The following SERP1 variants were observed in gnomAD, a reference collection of about 807,000 sequenced individuals.
The protein encoded by SERP1 is stress associated endoplasmic reticulum protein 1.
SERP1 carries 6 observed loss-of-function variants against 8.8 expected under a neutral mutation model. That is an observed-to-expected ratio of 0.68 (90% CI 0.37 to 1.35). SERP1 has a LOEUF of 1.35. Among genes scored for constraint, SERP1 ranks in the 40% most tolerant of loss-of-function variants. The pLI, the probability that SERP1 is intolerant of heterozygous loss-of-function variation, is 0.02. For missense variants in SERP1, 52 were observed against 86.2 expected (o/e 0.60, Z 1.57); for synonymous variants, 36 against 28.7 (o/e 1.25, Z -0.81).
chr3:150,545,429 G>A, intron 2 of SERP1: 2 of 470,224 alleles, frequency 4.3e-6, no homozygotes, highest in South Asian at 8.9e-5. Context: ...GTTTTGTCCG[G>A]TCTTAACATT....
At position 150,542,968 on chromosome 3, in the gene SERP1, C is replaced by T. The variant is rs1347824803; in HGVS notation, c.*1490G>A. The T allele has an allele frequency of 6.6e-6, 1 of 152,530 alleles. No homozygotes were observed. Among genetic ancestry groups the T allele is most frequent in the Non-Finnish European group, 1.5e-5 (1 of 68,016 alleles). 9.4% of individuals were successfully genotyped at this position (152,530 alleles called of 1,614,324 possible). On this transcript the variant is annotated 3_prime_UTR_variant, in exon 3 of 3. Coordinates refer to ENST00000239944, the MANE Select transcript of SERP1 (RefSeq NM_014445.4). ...TGGCCCAAGGTCAGTTGATTCATTC[C>T]TTATTCCAGAATAGTTAAGTTCCTG...
chr3:150,546,007 C>G, intron 1 of SERP1, 45 bp downstream of exon 1: 1 of 1,609,064 alleles, frequency 6.2e-7, no homozygotes, highest in South Asian at 1.1e-5. Context: ...GACCCGGACT[C>G]AGCTCCGGCT....
At position 150,545,927 on chromosome 3, in the gene SERP1, G is replaced by A. The variant is rs1408505467; in HGVS notation, c.84+125C>T. On this transcript the variant is annotated intron_variant, in intron 1 of 2. Coordinates refer to ENST00000239944, the MANE Select transcript of SERP1 (RefSeq NM_014445.4). The stretch of plus-strand genomic sequence containing the variant: ...CACAGTCTGGCGGTTCGCAGACTCG[G>A]GCCCCTACCCCTCCACGGCACCAGC... 3.6e-6 allele frequency: 5 copies of A among 1,403,942 alleles called. No individual in the cohort carries two copies. In the East Asian group the frequency reaches 7.1e-5, roughly 20 times the overall value. The allele number at this position is 1,403,942 out of a possible 1,614,324, so 87.0% of individuals were successfully genotyped here. A position where few individuals can be genotyped will look rare whatever the true frequency, so the allele number is the denominator to read the frequency against.
chr3:150,543,860 G>C lies in SERP1; in HGVS notation c.*598C>G, dbSNP rs757375586. Reference sequence around the variant, plus strand: ...AAACAATATTGGTAAAATAGATGTTGTGGCTATAAGCATCTCCCTTTATAT... The same window carrying C: ...AAACAATATTGGTAAAATAGATGTTCTGGCTATAAGCATCTCCCTTTATAT... On this transcript the variant is annotated 3_prime_UTR_variant, in exon 3 of 3. Coordinates refer to ENST00000239944, the MANE Select transcript of SERP1 (RefSeq NM_014445.4). 2.6e-5 allele frequency: 4 copies of C among 152,228 alleles called. 1 individual carries two copies. 9.4% of individuals were successfully genotyped at this position (152,228 alleles called of 1,614,324 possible).
In SERP1 at chr3:150,546,438, G is replaced by A. The variant is rs1723026586; in HGVS notation, c.-303C>T. The A allele has an allele frequency of 1.8e-6, 1 of 560,220 alleles. No individual in the cohort carries two copies. Among genetic ancestry groups the A allele is most frequent in the African/African-American group, 1.9e-5 (1 of 51,300 alleles). 34.7% of individuals were successfully genotyped at this position (560,220 alleles called of 1,614,324 possible). A position where few individuals can be genotyped will look rare whatever the true frequency, so the allele number is the denominator to read the frequency against. ...CTTTGGCCGCCGCCGTGAGCGCGGA[G>A]TGAAAGAGGAAGGAAACGCAACGCA... is the stretch of plus-strand genomic sequence containing the variant. On this transcript the variant is annotated 5_prime_UTR_variant, in exon 1 of 3. Transcript: ENST00000239944.
chr3:150,544,622 C>T, intron 2 of SERP1, 124 bp from the exon 3 acceptor site: 1 of 674,058 alleles, frequency 1.5e-6, no homozygotes, highest in Non-Finnish European at 2.6e-6. Flanking sequence ...TGGTACATAA[C>T]TTCAGTATAA....
At chr3:150,545,655 T>A in intron 2 of SERP1, 48 bp downstream of exon 2, 1 of 1,557,266 alleles carries the variant, frequency 6.4e-7, no homozygotes, top group Non-Finnish European at 8.7e-7. Flanking sequence ...TCATCCCAAA[T>A]CCTTTCAACC....
Position 150,546,117 on chromosome 3 carries a change from TCCTTTG to T in SERP1, c.13_18del (p.Gln5_Arg6del). Reference sequence around the variant, plus strand: ...CTGTGCTTCTCGTTGGCCATACGGATCCTTTGCTTGGCGACCATCTTCGCGGCGCCA... The same window carrying T: ...CTGTGCTTCTCGTTGGCCATACGGATCTTGGCGACCATCTTCGCGGCGCCA... On this transcript the variant is annotated inframe_deletion, in exon 1 of 3. Coordinates refer to ENST00000239944, the MANE Select transcript of SERP1 (RefSeq NM_014445.4). 6.2e-7 allele frequency: 1 copy of T among 1,613,528 alleles called. No individual in the cohort carries two copies. The highest frequency in any genetic ancestry group is 8.5e-7 in the Non-Finnish European group (1 of 1,179,844).
chr3:150,544,512 G>A lies in SERP1; in HGVS notation c.161-14C>T, dbSNP rs1261341982. 7 of 1,603,904 alleles carry A rather than the reference G, an allele frequency of 4.4e-6. No homozygotes were observed. In the African/African-American group the frequency reaches 5.4e-5, roughly 12 times the overall value. ...TCTGGAAAATTGCTGTAAAAAGAAA[G>A]AGCAAATATTAAAATAAGCTTTGAA... On this transcript the variant is annotated splice_polypyrimidine_tract_variant and intron_variant, in intron 2 of 2. Transcript: ENST00000239944.
chr3:150,546,188 T>C lies in SERP1; in HGVS notation c.-53A>G. ...CACCCCTCGGACTCGCTCACTCGCC[T>C]GCCTCCTCTGGAGCCGCTGCGAGGC... On this transcript the variant is annotated 5_prime_UTR_variant, in exon 1 of 3. Coordinates refer to ENST00000239944, the MANE Select transcript of SERP1 (RefSeq NM_014445.4). 3 of 1,589,136 alleles carry C rather than the reference T, an allele frequency of 1.9e-6. No individual in the cohort carries two copies. Among genetic ancestry groups the C allele is most frequent in the Non-Finnish European group, 2.6e-6 (3 of 1,163,498 alleles).
rs771649726 is a variant in SERP1 at position 150,546,178 on chromosome 3, C to G, written c.-43G>C. 9.4e-6 allele frequency: 15 copies of G among 1,600,748 alleles called. No homozygotes were observed. The highest frequency in any genetic ancestry group is 1.3e-5 in the Non-Finnish European group (15 of 1,172,458). ...CTGCCCCGGCCACCCCTCGGACTCG[C>G]TCACTCGCCTGCCTCCTCTGGAGCC... is the stretch of plus-strand genomic sequence containing the variant. On this transcript the variant is annotated 5_prime_UTR_variant, in exon 1 of 3. Coordinates refer to ENST00000239944, the MANE Select transcript of SERP1 (RefSeq NM_014445.4).
chr3:150,544,552 T>C, intron 2 of SERP1, 54 bp from the exon 3 acceptor site: 1 of 1,400,310 alleles, frequency 7.1e-7, no homozygotes. Context: ...ATAGGTCTGG[T>C]GTCTAACAAA....
At chr3:150,544,832 T>C (rs539922021) in intron 2 of SERP1, among the ~76,000 whole-genome samples, 1 of 152,348 alleles carries the variant, frequency 6.6e-6, no homozygotes, top group East Asian at 1.9e-4. Context: ...AAGCATCCTT[T>C]TAAGGCCTGG....
Position 150,546,268 on chromosome 3 carries a change from G to T in SERP1, c.-133C>A. 2 of 990,796 alleles carry T rather than the reference G, an allele frequency of 2.0e-6. No homozygotes were observed. The highest frequency in any genetic ancestry group is 2.9e-6 in the Non-Finnish European group (2 of 679,544). 61.4% of individuals were successfully genotyped at this position (990,796 alleles called of 1,614,324 possible). On this transcript the variant is annotated 5_prime_UTR_variant, in exon 1 of 3. Coordinates refer to ENST00000239944, the MANE Select transcript of SERP1 (RefSeq NM_014445.4). Reference sequence around the variant, plus strand: ...GCCGAGGTTCTCAGGCCAGACGCTAGCTACGGCCGCTGGGCCTGGGCGCCG... The same window carrying T: ...GCCGAGGTTCTCAGGCCAGACGCTATCTACGGCCGCTGGGCCTGGGCGCCG...
intron 1 of SERP1, 129 bp from the exon 2 acceptor site, chr3:150,545,907 T>C (rs1307555609): frequency 7.3e-7 from 1 of 1,361,970 alleles, no homozygotes; most frequent in African/African-American, 1.4e-5. Flanking sequence ...GCCCCCACAG[T>C]CTGGCGGTTC....
rs1214027107 is a variant in SERP1 at position 150,546,159 on chromosome 3, C to T, written c.-24G>A. The T allele has an allele frequency of 1.8e-5, 29 of 1,610,756 alleles. No individual in the cohort carries two copies. The Admixed American group carries it at 4.7e-4, about 26-fold the overall frequency. On this transcript the variant is annotated 5_prime_UTR_variant, in exon 1 of 3. Coordinates refer to ENST00000239944, the MANE Select transcript of SERP1 (RefSeq NM_014445.4). ...ATCTTCGCGGCGCCACCACCTGCCCCGGCCACCCCTCGGACTCGCTCACTC... is the reference window on the plus strand; with the variant it reads ...ATCTTCGCGGCGCCACCACCTGCCCTGGCCACCCCTCGGACTCGCTCACTC...
Position 150,546,206 on chromosome 3 carries a change from T to TGCGAG in SERP1, c.-76_-72dup, listed in dbSNP as rs1723009977. 1.9e-6 allele frequency: 3 copies of TGCGAG among 1,540,874 alleles called. No individual in the cohort carries two copies. Among genetic ancestry groups the TGCGAG allele is most frequent in the Non-Finnish European group, 2.7e-6 (3 of 1,123,680 alleles). ...ACTCGCCTGCCTCCTCTGGAGCCGC[T>TGCGAG]GCGAGGCTCGGCTCGTGGTGCCCGC... On this transcript the variant is annotated 5_prime_UTR_variant, in exon 1 of 3. Transcript: ENST00000239944.
chr3:150,545,466 C>T, intron 2 of SERP1: 1 of 526,380 alleles, frequency 1.9e-6, no homozygotes, highest in Non-Finnish European at 3.4e-6. Flanking sequence ...TTACCAAGAC[C>T]TGACCTCCTT....
Position 150,546,230 on chromosome 3 carries a change from G to A in SERP1, c.-95C>T. The A allele has an allele frequency of 1.6e-5, 23 of 1,423,332 alleles. No individual in the cohort carries two copies. The highest frequency in any genetic ancestry group is 2.0e-5 in the Non-Finnish European group (21 of 1,027,334). 88.2% of individuals were successfully genotyped at this position (1,423,332 alleles called of 1,614,324 possible). Reference sequence around the variant, plus strand: ...CTGCGAGGCTCGGCTCGTGGTGCCCGCGCCGCCGGAGCGCCGAGGTTCTCA... The same window carrying A: ...CTGCGAGGCTCGGCTCGTGGTGCCCACGCCGCCGGAGCGCCGAGGTTCTCA... On this transcript the variant is annotated 5_prime_UTR_variant, in exon 1 of 3. Transcript: ENST00000239944.
Sources: allele counts gnomAD v4.1 joint callset (sites outside exome capture counted in the v4.1 genomes callset), GRCh38; gene constraint gnomAD v4.1.1; transcripts MANE v1.5; gene names NCBI Gene and HGNC (gene_info 2026-07-23, HGNC 2026-07-21).